The following ATXN8OS variants were observed in gnomAD, a reference collection of about 807,000 sequenced individuals.
ATXN8OS encodes the protein ATXN8 opposite strand lncRNA, also known as ATXN8 opposite strand (non-protein coding).
upstream of ATXN8OS, chr13:70,107,596 C>A (rs769741754): frequency 1.9e-6 from 3 of 1,597,236 alleles, no homozygotes; most frequent in Non-Finnish European, 2.6e-6. Flanking sequence ...CAGGCAGCCT[C>A]CCCCCGCCGG....
intron 3 of ATXN8OS, among the ~76,000 whole-genome samples, chr13:70,144,876 A>G (rs1442100351): frequency 6.6e-6 from 1 of 152,088 alleles, no homozygotes; most frequent in Non-Finnish European, 1.5e-5. Flanking sequence ...TCAAGGGTAT[A>G]GTATTGCCTT....
At chr13:70,148,958 T>G (rs1056094596) in intron 4 of ATXN8OS, among the ~76,000 whole-genome samples, 13 of 152,128 alleles carry the variant, frequency 8.5e-5, no homozygotes, top group African/African-American at 3.1e-4. Flanking sequence ...ACACACACAC[T>G]TAATGAATGT....
intron 1 of ATXN8OS, among the ~76,000 whole-genome samples, chr13:70,114,045 A>G (rs929765386): frequency 7.9e-5 from 12 of 152,258 alleles, no homozygotes; most frequent in African/African-American, 2.9e-4. Context: ...AATAAATTAT[A>G]TATTCAGAGT....
intron 1 of ATXN8OS, among the ~76,000 whole-genome samples, chr13:70,112,433 CATA>C (rs1355699412): frequency 6.6e-6 from 1 of 151,844 alleles, no homozygotes; most frequent in Non-Finnish European, 1.5e-5. Flanking sequence ...ATGATTGAAA[CATA>C]ATATCATATA....
At chr13:70,132,168 A>T (rs2137484081) in intron 3 of ATXN8OS, among the ~76,000 whole-genome samples, 1 of 152,206 alleles carries the variant, frequency 6.6e-6, no homozygotes, top group Non-Finnish European at 1.5e-5. Flanking sequence ...CTCTTTGAAA[A>T]TATATTGCTT....
At chr13:70,131,204 A>T in intron 3 of ATXN8OS, 1 of 396,396 alleles carries the variant, frequency 2.5e-6, no homozygotes, top group Non-Finnish European at 4.4e-6. Context: ...TATCTGTCAC[A>T]ATGTGTACAT....
At chr13:70,166,044 A>G (rs1044838591) in intron 4 of ATXN8OS, among the ~76,000 whole-genome samples, 2 of 152,112 alleles carry the variant, frequency 1.3e-5, no homozygotes, top group African/African-American at 4.8e-5. Context: ...GCATAAATAG[A>G]AAATGAGTGA....
intron 2 of ATXN8OS, among the ~76,000 whole-genome samples, chr13:70,124,935 T>G (rs759012583): frequency 0.082 from 1,209 of 14,700 alleles, 7 homozygotes; most frequent in Admixed American, 0.11. Context: ...AATTTGAGGG[T>G]TTTTTTTTTT....
At chr13:70,128,000 G>A (rs1300686231) in intron 2 of ATXN8OS, among the ~76,000 whole-genome samples, 1 of 151,570 alleles carries the variant, frequency 6.6e-6, no homozygotes, top group African/African-American at 2.4e-5. Context: ...GAACAATGTT[G>A]TTACATATTT....
chr13:70,152,654 T>C (rs1167157096), intron 4 of ATXN8OS, among the ~76,000 whole-genome samples: 1 of 152,086 alleles, frequency 6.6e-6, no homozygotes. Context: ...AAATGTCTTA[T>C]GATAAACAAG....
chr13:70,112,655 C>T (rs904163481), intron 1 of ATXN8OS, among the ~76,000 whole-genome samples: 2 of 151,872 alleles, frequency 1.3e-5, no homozygotes, highest in Admixed American at 6.6e-5. Flanking sequence ...GTTTATTTGA[C>T]CTTTTGATTT....
intron 1 of ATXN8OS, among the ~76,000 whole-genome samples, chr13:70,114,523 G>A (rs1018543449): frequency 1.5e-4 from 23 of 151,704 alleles, no homozygotes; most frequent in Admixed American, 6.6e-5. Context: ...AAATAATAGC[G>A]GCAAAAGGAA....
chr13:70,135,710 G>A lies in ATXN8OS; in HGVS notation n.499+5826G>A, dbSNP rs150464405. On this transcript the variant is annotated intron_variant and non_coding_transcript_variant, in intron 3 of 4. Coordinates refer to ENST00000678624, the Ensembl canonical transcript of ATXN8OS. Reference sequence around the variant, plus strand: ...ACAAATTTCATGATAGGAAATCCAAGGCAGAATTATCTTGGTGACACTCAT... The same window carrying A: ...ACAAATTTCATGATAGGAAATCCAAAGCAGAATTATCTTGGTGACACTCAT... Among the ~76,000 whole-genome samples, 291 of 152,062 alleles carry A rather than the reference G, an allele frequency of 1.9e-3. 2 individuals are homozygous for A. Among genetic ancestry groups the A allele is most frequent in the Middle Eastern group, 6.8e-3 (2 of 294 alleles).
intron 2 of ATXN8OS, among the ~76,000 whole-genome samples, chr13:70,127,209 C>T (rs1888451978): frequency 2.6e-5 from 4 of 151,966 alleles, no homozygotes; most frequent in East Asian, 3.9e-4. Context: ...TTTGGATATG[C>T]ATCAATCCTT....
chr13:70,112,576 A>G (rs1378351346), intron 1 of ATXN8OS, among the ~76,000 whole-genome samples: 1 of 152,102 alleles, frequency 6.6e-6, no homozygotes, highest in Non-Finnish European at 1.5e-5. Context: ...CAATTAAGTG[A>G]CTGCTTAATA....
rs193922930 is a variant in ATXN8OS at position 70,139,383 on chromosome 13, ACTGCTGCTGCTGCTGCTGCTG to A, written n.500-7946_500-7926del. ...TACTACTACTACTACTACTACTACTACTGCTGCTGCTGCTGCTGCTGCTGCTGCTGCTGCTGCTGCTGCTGC... is the reference window on the plus strand; with the variant it reads ...TACTACTACTACTACTACTACTACTACTGCTGCTGCTGCTGCTGCTGCTGC... On this transcript the variant is annotated intron_variant and non_coding_transcript_variant, in intron 3 of 4. Coordinates refer to ENST00000678624, the Ensembl canonical transcript of ATXN8OS. 1,223 of 458,296 alleles carry A rather than the reference ACTGCTGCTGCTGCTGCTGCTG, an allele frequency of 2.7e-3. 13 individuals carry two copies. The African/African-American group carries it at 0.028, about 10-fold the overall frequency. 28.4% of individuals were successfully genotyped at this position (458,296 alleles called of 1,614,324 possible).
At chr13:70,160,188 T>C (rs548918731) in intron 4 of ATXN8OS, among the ~76,000 whole-genome samples, 3 of 152,270 alleles carry the variant, frequency 2.0e-5, no homozygotes, top group Non-Finnish European at 2.9e-5. Flanking sequence ...ACTCAGTCTG[T>C]TGACTTATTG....
chr13:70,155,250 G>A (rs1888922499), intron 4 of ATXN8OS, among the ~76,000 whole-genome samples: 1 of 152,090 alleles, frequency 6.6e-6, no homozygotes, highest in Non-Finnish European at 1.5e-5. Context: ...TGTTCCTTGT[G>A]GTGGAAGTTT....
chr13:70,151,875 T>C (rs1888872534), intron 4 of ATXN8OS, among the ~76,000 whole-genome samples: 1 of 152,044 alleles, frequency 6.6e-6, no homozygotes. Context: ...CATAGAATCA[T>C]TTTGAGATAT....
Sources: gnomAD v4.1 joint callset for allele counts (sites outside exome capture counted in the v4.1 genomes callset) on GRCh38, gnomAD v4.1.1 for gene constraint, MANE v1.5 for transcripts, NCBI Gene and HGNC (gene_info 2026-07-23, HGNC 2026-07-21) for gene names.